Variants in CDH3 observed in about 807,000 individuals in gnomAD.
CDH3 encodes the protein cadherin-3.
A neutral mutation model predicts 82.0 loss-of-function variants in CDH3; 54 were observed. The observed-to-expected ratio is 0.66, with a 90% CI of 0.53 to 0.83. The LOEUF (loss-of-function observed/expected upper bound fraction) is 0.83, where lower values mean the gene tolerates loss of function less well. CDH3 is among the 40% of genes least tolerant of loss of function. CDH3 has a pLI of 0.00. For synonymous variants in CDH3, 446 were observed against 437.9 expected (o/e 1.02, Z -0.23); for missense variants, 1,054 against 1,084.6 (o/e 0.97, Z 0.40).
At chr16:68,673,512 A>T (rs890038642) in intron 2 of CDH3, among the ~76,000 whole-genome samples, 1 of 149,692 alleles carries the variant, frequency 6.7e-6, no homozygotes, top group African/African-American at 2.5e-5. Context: ...TTGCTGGAGT[A>T]CAGTGGCGCA....
intron 2 of CDH3, chr16:68,651,924 G>A: frequency 2.6e-6 from 1 of 380,438 alleles, no homozygotes; most frequent in Non-Finnish European, 5.3e-6. Context: ...GAGCCAGTAT[G>A]AGGGGCCCTT....
In CDH3 at chr16:68,695,238, C is replaced by T. The variant is rs948377019; in HGVS notation, c.2003-17C>T. On this transcript the variant is annotated splice_polypyrimidine_tract_variant and intron_variant, in intron 13 of 15. Coordinates refer to ENST00000264012, the MANE Select transcript of CDH3 (RefSeq NM_001793.6). ...TGTGGTTACAGAGGGAGCACTCACA[C>T]TCCCCAACCCTTGCAGTCCTCCTGC... is the stretch of plus-strand genomic sequence containing the variant. The T allele has an allele frequency of 3.1e-6, 5 of 1,614,134 alleles. No individual in the cohort carries two copies. The highest frequency in any genetic ancestry group is 4.2e-6 in the Non-Finnish European group (5 of 1,180,012).
downstream of CDH3, among the ~76,000 whole-genome samples, chr16:68,731,489 C>G: frequency 2.6e-5 from 1 of 38,024 alleles, no homozygotes. Context: ...CACGTATATA[C>G]ACATATATAT....
chr16:68,670,181 G>A (rs573063115), intron 2 of CDH3, among the ~76,000 whole-genome samples: 15 of 137,920 alleles, frequency 1.1e-4, no homozygotes, highest in Admixed American at 5.5e-4. Flanking sequence ...CCGAGATTGC[G>A]CCACTGCACT....
intron 1 of CDH3, among the ~76,000 whole-genome samples, chr16:68,716,456 T>G (rs527655848): frequency 1.3e-5 from 2 of 151,388 alleles, no homozygotes; most frequent in African/African-American, 4.8e-5. Context: ...CCCTCATCTC[T>G]ACAAAAGATT....
At chr16:68,683,259 C>T (rs1567450710) in intron 9 of CDH3, among the ~76,000 whole-genome samples, 1 of 152,054 alleles carries the variant, frequency 6.6e-6, no homozygotes, top group Non-Finnish European at 1.5e-5. Flanking sequence ...TTTGTAATGC[C>T]ACTTCGACAT....
chr16:68,731,047 A>AATATATATATATATATATATATATAT (rs1212223808), downstream of CDH3, among the ~76,000 whole-genome samples: 6 of 26,340 alleles, frequency 2.3e-4, no homozygotes, highest in Non-Finnish European at 3.2e-4. Context: ...AAAAAAAAAA[A>AATATATATATATATATATATATATAT]ATATATATAT....
chr16:68,657,131 C>T (rs111394470), intron 2 of CDH3, among the ~76,000 whole-genome samples: 1 of 152,284 alleles, frequency 6.6e-6, no homozygotes, highest in Non-Finnish European at 1.5e-5. Flanking sequence ...AGAATTCCCT[C>T]CAGGCTGCAG....
chr16:68,731,395 A>ATATATATATATATAT (rs1247036472), downstream of CDH3, among the ~76,000 whole-genome samples: 5 of 5,242 alleles, frequency 9.5e-4, no homozygotes, highest in African/African-American at 4.8e-3. Context: ...AAAAAAAAAA[A>ATATATATATATATAT]ATATATATAT....
chr16:68,726,776 T>A (rs994202965), intron 2 of CDH3, among the ~76,000 whole-genome samples: 12 of 152,038 alleles, frequency 7.9e-5, no homozygotes, highest in South Asian at 4.2e-4. Context: ...AGACGGGGTA[T>A]CACCAGGTTA....
intron 1 of CDH3, chr16:68,722,420 C>A (rs1962174858): frequency 6.6e-6 from 1 of 152,166 alleles, no homozygotes. Context: ...TTGTCCTTTG[C>A]CCAGGTTTTA....
At chr16:68,685,963 C>G (rs1961400001) in intron 11 of CDH3, among the ~76,000 whole-genome samples, 1 of 152,176 alleles carries the variant, frequency 6.6e-6, no homozygotes, top group Non-Finnish European at 1.5e-5. Context: ...CCCAGGAGTT[C>G]AAGGCTGGCC....
chr16:68,673,675 C>T (rs966798824), intron 2 of CDH3, among the ~76,000 whole-genome samples: 2 of 152,126 alleles, frequency 1.3e-5, no homozygotes, highest in African/African-American at 2.4e-5. Context: ...CCTGTAATCC[C>T]AGCACTTTGG....
At chr16:68,731,493 T>G (rs112699537), downstream of CDH3, among the ~76,000 whole-genome samples, 3 of 20,100 alleles carry the variant, frequency 1.5e-4, 1 homozygote, top group Admixed American at 4.8e-4. Flanking sequence ...TATATACACA[T>G]ATATATATAC....
chr16:68,693,688 G>C (rs1597818837), intron 13 of CDH3, among the ~76,000 whole-genome samples: 2 of 152,244 alleles, frequency 1.3e-5, no homozygotes, highest in East Asian at 3.9e-4. Context: ...CAGAACCCGT[G>C]GACTCCCAAG....
intron 8 of CDH3, 142 bp from the exon 9 acceptor site, chr16:68,682,160 C>T: frequency 1.1e-6 from 1 of 885,352 alleles, no homozygotes; most frequent in Admixed American, 2.0e-5. Context: ...CTGTGTATAC[C>T]CTGAAACCCC....
chr16:68,697,441 G>A (rs1226839640), intron 15 of CDH3, among the ~76,000 whole-genome samples: 1 of 152,160 alleles, frequency 6.6e-6, no homozygotes, highest in African/African-American at 2.4e-5. Context: ...GCACCTGGGG[G>A]GCAAAGTTTG....
downstream of CDH3, among the ~76,000 whole-genome samples, chr16:68,729,547 G>A (rs536158757): frequency 6.6e-6 from 1 of 152,276 alleles, no homozygotes; most frequent in Admixed American, 6.5e-5. Context: ...AACAAAAAGG[G>A]ATGGAGAAGC....
At chr16:68,720,921 T>C (rs1230951445) in intron 1 of CDH3, among the ~76,000 whole-genome samples, 1 of 151,842 alleles carries the variant, frequency 6.6e-6, no homozygotes, top group Non-Finnish European at 1.5e-5. Flanking sequence ...TGTCAGGCCT[T>C]TATTGAGCAT....
Sources: gnomAD v4.1 joint callset for allele counts (sites outside exome capture counted in the v4.1 genomes callset) on GRCh38, gnomAD v4.1.1 for gene constraint, MANE v1.5 for transcripts, NCBI Gene and HGNC (gene_info 2026-07-23, HGNC 2026-07-21) for gene names.